The following CIMIP2A variants were observed in gnomAD, a reference collection of about 807,000 sequenced individuals.
CIMIP2A encodes ciliary microtubule inner protein 2A.
chr9:137,244,432 C>A, the CIMIP2A span: 1 of 1,523,750 alleles, frequency 6.6e-7, no homozygotes, highest in Non-Finnish European at 8.8e-7. Context: ...CCCCTACCCC[C>A]GACTCCAAAA....
At chr9:137,245,587 G>C in the CIMIP2A span, 2 of 1,613,608 alleles carry the variant, frequency 1.2e-6, no homozygotes, top group Non-Finnish European at 1.7e-6. Flanking sequence ...TGTGAGTGCC[G>C]GGACAGGCAG....
chr9:137,245,090 T>TGAG, the CIMIP2A span: 3 of 1,609,010 alleles, frequency 1.9e-6, no homozygotes, highest in Non-Finnish European at 1.7e-6. Flanking sequence ...CACACCCACC[T>TGAG]GAGATGGCCT....
chr9:137,254,323 T>G, the CIMIP2A span, among the ~76,000 whole-genome samples: 1 of 152,218 alleles, frequency 6.6e-6, no homozygotes, highest in Non-Finnish European at 1.5e-5. Context: ...ACCCTCGCCC[T>G]AGGGCTGACC....
At chr9:137,245,889 A>C in the CIMIP2A span, 251 of 1,455,934 alleles carry the variant, frequency 1.7e-4, no homozygotes, top group Non-Finnish European at 2.1e-4. Context: ...GGCAGGTCTC[A>C]AGGGCAGCCC....
chr9:137,244,359 G>T, the CIMIP2A span: 1 of 1,605,204 alleles, frequency 6.2e-7, no homozygotes, highest in Non-Finnish European at 8.5e-7. Flanking sequence ...TGTCCCAGTG[G>T]GGGCCTGGCC....
chr9:137,248,470 G>A, the CIMIP2A span, among the ~76,000 whole-genome samples: 1 of 150,598 alleles, frequency 6.6e-6, no homozygotes, highest in Non-Finnish European at 1.5e-5. Flanking sequence ...GTGAACCCAG[G>A]AGGTGGAGAT....
the CIMIP2A span, chr9:137,244,743 G>A: frequency 6.8e-6 from 11 of 1,611,662 alleles, no homozygotes; most frequent in African/African-American, 4.0e-5. Flanking sequence ...TAGCCTGGGG[G>A]TAGGCAGATG....
the CIMIP2A span, chr9:137,253,382 T>C: frequency 6.6e-7 from 1 of 1,514,068 alleles, no homozygotes; most frequent in Non-Finnish European, 8.8e-7. Context: ...TGCACCCTTC[T>C]GGCTGGCCAA....
At chr9:137,254,056 C>T in the CIMIP2A span, among the ~76,000 whole-genome samples, 34 of 152,292 alleles carry the variant, frequency 2.2e-4, no homozygotes, top group African/African-American at 7.7e-4. Context: ...TACCCAGGGT[C>T]GGGCCCCAAG....
the CIMIP2A span, chr9:137,245,846 C>A: frequency 2.0e-6 from 3 of 1,505,440 alleles, no homozygotes; most frequent in Admixed American, 2.2e-5. Context: ...GGAAAGAAGC[C>A]GGCATAGCTG....
At chr9:137,251,289 G>A in the CIMIP2A span, 5 of 1,607,034 alleles carry the variant, frequency 3.1e-6, no homozygotes, top group Non-Finnish European at 4.3e-6. Flanking sequence ...AGACTCTGAT[G>A]ATGAATTCTG....
the CIMIP2A span, chr9:137,245,709 G>C: frequency 6.2e-7 from 1 of 1,604,060 alleles, no homozygotes; most frequent in Non-Finnish European, 8.5e-7. Context: ...ACTGGCTGAA[G>C]TCCTCAATGA....
At chr9:137,244,789 G>T in the CIMIP2A span, 1 of 1,595,430 alleles carries the variant, frequency 6.3e-7, no homozygotes. Context: ...CCTTCCCCTG[G>T]GCACACCCAC....
the CIMIP2A span, chr9:137,245,268 GA>G: frequency 7.6e-6 from 12 of 1,573,972 alleles, no homozygotes; most frequent in Non-Finnish European, 1.0e-5. Context: ...ACCTGGGGCT[GA>G]GCGGAATGGG....
the CIMIP2A span, among the ~76,000 whole-genome samples, chr9:137,249,852 C>T: frequency 2.0e-5 from 3 of 152,234 alleles, no homozygotes; most frequent in African/African-American, 2.4e-5. Flanking sequence ...GTCATAACTT[C>T]CCTAGTTCTA....
the CIMIP2A span, chr9:137,253,575 G>A: frequency 5.7e-6 from 7 of 1,233,638 alleles, no homozygotes; most frequent in East Asian, 2.8e-5. Flanking sequence ...CCTGTTGAGG[G>A]GTCTCCATTC....
the CIMIP2A span, among the ~76,000 whole-genome samples, chr9:137,248,791 C>T: frequency 6.6e-6 from 1 of 152,072 alleles, no homozygotes; most frequent in African/African-American, 2.4e-5. Flanking sequence ...TGGCCAGAGC[C>T]TAGGAGGTTG....
At chr9:137,247,584 C>T in the CIMIP2A span, 212 of 1,407,092 alleles carry the variant, frequency 1.5e-4, 1 homozygote, top group East Asian at 3.7e-3. Context: ...CAGCTGGCCT[C>T]CATGCCTCAG....
the CIMIP2A span, chr9:137,250,312 G>A: frequency 6.6e-6 from 1 of 152,364 alleles, no homozygotes. Flanking sequence ...GGCTTCATTA[G>A]CAAAGTACAC....
Sources: gnomAD v4.1 joint callset for allele counts (sites outside exome capture counted in the v4.1 genomes callset) on GRCh38, gnomAD v4.1.1 for gene constraint, MANE v1.5 for transcripts, NCBI Gene and HGNC (gene_info 2026-07-23, HGNC 2026-07-21) for gene names.